Variants in SCAI observed in about 807,000 individuals in gnomAD.
SCAI encodes protein SCAI.
SCAI carries 24 observed loss-of-function variants against 92.2 expected under a neutral mutation model. The ratio of observed to expected loss-of-function variants is 0.26; its 90% CI spans 0.19 to 0.37. The LOEUF is 0.37. SCAI is among the 10% of genes least tolerant of loss of function. The pLI, the probability that SCAI is intolerant of heterozygous loss-of-function variation, is 1.00. For missense variants in SCAI, 450 were observed against 736.2 expected, an observed-to-expected ratio of 0.61 and a Z score of 4.50; for synonymous variants, 261 against 258.6, an observed-to-expected ratio of 1.01 and a Z score of -0.09.
At chr9:124,991,706 G>A (rs531039857) in intron 14 of SCAI, among the ~76,000 whole-genome samples, 1 of 150,984 alleles carries the variant, frequency 6.6e-6, no homozygotes, top group Non-Finnish European at 1.5e-5. Context: ...GTGTGGTGGC[G>A]TGTGCCTCTA....
chr9:125,009,442 G>A (rs1315704831), intron 9 of SCAI, among the ~76,000 whole-genome samples: 2 of 151,952 alleles, frequency 1.3e-5, no homozygotes, highest in Middle Eastern at 3.2e-3. Context: ...ACTAATTTTT[G>A]TATTTTAAGT....
At chr9:124,963,757 C>CAAAAAAAAAAAAAAAAAAAAAA (rs36017738) in intron 17 of SCAI, among the ~76,000 whole-genome samples, 1 of 52,288 alleles carries the variant, frequency 1.9e-5, no homozygotes, top group Non-Finnish European at 3.3e-5. Context: ...GAATCTGTCT[C>CAAAAAAAAAAAAAAAAAAAAAA]AAAAAAAAAA....
intron 3 of SCAI, among the ~76,000 whole-genome samples, chr9:125,049,981 C>T (rs551536408): frequency 2.6e-4 from 39 of 151,878 alleles, no homozygotes; most frequent in African/African-American, 8.9e-4. Context: ...TGCACTTTTC[C>T]GCAGTCAATT....
At chr9:125,000,663 T>C (rs938365335) in intron 12 of SCAI, among the ~76,000 whole-genome samples, 8 of 151,926 alleles carry the variant, frequency 5.3e-5, no homozygotes, top group Admixed American at 1.3e-4. Context: ...AATGAAATCT[T>C]AGTCTCATAA....
In SCAI at chr9:124,970,978, C is replaced by T. The variant is rs574697755; in HGVS notation, c.1674+392G>A. ...TACAGGCGCGTGCCACCATACCTGG[C>T]TAATTTTTTTATTTTTAGTAGAGAA... On this transcript the variant is annotated intron_variant, in intron 17 of 17. Coordinates refer to ENST00000336505, the MANE Select transcript of SCAI (RefSeq NM_001144877.3). Among the ~76,000 whole-genome samples the T allele has an allele frequency of 2.9e-4, 44 of 151,892 alleles. No homozygotes were observed. The East Asian group carries it at 7.9e-3, about 27-fold the overall frequency.
chr9:125,090,810 A>G (rs1178813975), intron 2 of SCAI, among the ~76,000 whole-genome samples: 2 of 152,092 alleles, frequency 1.3e-5, no homozygotes, highest in African/African-American at 4.8e-5. Context: ...AGATGCAGCC[A>G]GTGGCTCAAA....
chr9:125,073,092 A>ATTTATT (rs1834010179), intron 2 of SCAI, among the ~76,000 whole-genome samples: 1 of 72,446 alleles, frequency 1.4e-5, no homozygotes, highest in Non-Finnish European at 2.7e-5. Context: ...TCTATTTTTA[A>ATTTATT]TTTTTTTTTT....
At chr9:125,134,864 C>T (rs1408170536) in intron 2 of SCAI, among the ~76,000 whole-genome samples, 1 of 151,820 alleles carries the variant, frequency 6.6e-6, no homozygotes, top group Non-Finnish European at 1.5e-5. Context: ...TTAGTAGAGA[C>T]GGGGTTTCTC....
chr9:125,117,637 G>A (rs976718005), intron 2 of SCAI, among the ~76,000 whole-genome samples: 2 of 127,568 alleles, frequency 1.6e-5, no homozygotes, highest in Admixed American at 9.7e-5. Flanking sequence ...CTGCACTCCA[G>A]TCTGGGCGAC....
intron 2 of SCAI, among the ~76,000 whole-genome samples, chr9:125,078,733 T>C (rs565199955): frequency 7.8e-4 from 119 of 151,994 alleles, no homozygotes; most frequent in Middle Eastern, 3.4e-3. Context: ...CTGGGAAACA[T>C]AGTGAGACTC....
intron 17 of SCAI, among the ~76,000 whole-genome samples, chr9:124,955,346 C>T (rs1831298684): frequency 6.6e-6 from 1 of 151,858 alleles, no homozygotes; most frequent in South Asian, 2.1e-4. Flanking sequence ...GGGAGGATCT[C>T]TTGAGCCCAG....
chr9:125,016,673 G>T (rs1220580684), intron 9 of SCAI, among the ~76,000 whole-genome samples: 1 of 152,070 alleles, frequency 6.6e-6, no homozygotes, highest in Non-Finnish European at 1.5e-5. Context: ...GTGTGGCAGG[G>T]AAAAGATGGT....
chr9:125,011,558 T>C (rs1832640766), intron 9 of SCAI, among the ~76,000 whole-genome samples: 1 of 152,226 alleles, frequency 6.6e-6, no homozygotes, highest in South Asian at 2.1e-4. Flanking sequence ...TACGTCTGAT[T>C]GGTGTACCTG....
At chr9:125,048,261 A>G (rs568822221) in intron 3 of SCAI, among the ~76,000 whole-genome samples, 12 of 152,100 alleles carry the variant, frequency 7.9e-5, no homozygotes, top group Non-Finnish European at 1.6e-4. Flanking sequence ...TACAGGCAAG[A>G]GCCACTATGC....
In SCAI at chr9:124,986,532, G is replaced by GAC. The variant is rs552315621; in HGVS notation, c.1326+8400_1326+8401dup. ...AGAAGAGAGGTTAAGAAATGTGGAG[G>GAC]ACACAGTGTGAATGTCTAATACACA... On this transcript the variant is annotated intron_variant, in intron 14 of 17. Coordinates refer to ENST00000336505, the MANE Select transcript of SCAI (RefSeq NM_001144877.3). Among the ~76,000 whole-genome samples the GAC allele has an allele frequency of 1.6e-3, 246 of 152,248 alleles. 1 individual carries two copies. The highest frequency in any genetic ancestry group is 5.7e-3 in the African/African-American group (238 of 41,550).
At chr9:125,043,981 G>T (rs1045477435) in intron 3 of SCAI, among the ~76,000 whole-genome samples, 27 of 152,200 alleles carry the variant, frequency 1.8e-4, no homozygotes, top group African/African-American at 6.3e-4. Context: ...TGTTCTCAGG[G>T]TCTTAAGAAG....
intron 17 of SCAI, chr9:124,968,911 G>A: frequency 6.4e-5 from 25 of 388,564 alleles, no homozygotes; most frequent in South Asian, 2.0e-4. Flanking sequence ...CAAACTGTAG[G>A]AAATCTCCAA....
intron 13 of SCAI, among the ~76,000 whole-genome samples, chr9:124,995,868 G>C (rs1480835464): frequency 6.6e-6 from 1 of 152,094 alleles, no homozygotes; most frequent in Non-Finnish European, 1.5e-5. Context: ...CCACAGAAGA[G>C]CTACTGAACC....
intron 3 of SCAI, among the ~76,000 whole-genome samples, chr9:125,041,616 G>A (rs967041147): frequency 6.6e-6 from 1 of 152,106 alleles, no homozygotes; most frequent in African/African-American, 2.4e-5. Flanking sequence ...AGTAAAAAGG[G>A]TTATAAAGGA....
Sources: allele counts gnomAD v4.1 joint callset (sites outside exome capture counted in the v4.1 genomes callset), GRCh38; gene constraint gnomAD v4.1.1; transcripts MANE v1.5; gene names NCBI Gene and HGNC (gene_info 2026-07-23, HGNC 2026-07-21).